The following SRD5A2 variants were observed in gnomAD, a reference collection of about 807,000 sequenced individuals.
The protein encoded by SRD5A2 is 3-oxo-5-alpha-steroid 4-dehydrogenase 2.
In SRD5A2, 30 loss-of-function variants were observed where a neutral mutation model predicts 27.4. That is an observed-to-expected ratio of 1.10 (90% confidence interval 0.82 to 1.49). SRD5A2 has a LOEUF of 1.49. Ranked by LOEUF, SRD5A2 falls within the 40% of genes most tolerant of loss-of-function variation. The probability of loss-of-function intolerance (pLI) is 0.00; values close to 1 mark genes in which losing one functional copy is unlikely to be tolerated. For missense variants in SRD5A2, 348 were observed against 323.4 expected, an observed-to-expected ratio of 1.08 and a Z score of -0.58; for synonymous variants, 141 against 133.6, an observed-to-expected ratio of 1.06 and a Z score of -0.38.
chr2:31,531,346 A>C, intron 3 of SRD5A2, 25 bp downstream of exon 3: 1 of 1,507,760 alleles, frequency 6.6e-7, no homozygotes, highest in Non-Finnish European at 9.1e-7. Flanking sequence ...GAAGAGTGAG[A>C]GTCTGGGGGC....
At chr2:31,540,441 G>A (rs899410599) in intron 1 of SRD5A2, among the ~76,000 whole-genome samples, 3 of 152,110 alleles carry the variant, frequency 2.0e-5, no homozygotes, top group African/African-American at 7.2e-5. Flanking sequence ...ACAATAGGTT[G>A]ATGACAAGAA....
chr2:31,542,845 C>A (rs937855079), intron 1 of SRD5A2, among the ~76,000 whole-genome samples: 1 of 151,940 alleles, frequency 6.6e-6, no homozygotes, highest in Admixed American at 6.6e-5. Flanking sequence ...GAGTCCCAGA[C>A]AACGCAGAGA....
chr2:31,634,730 T>C, the SRD5A2 span, among the ~76,000 whole-genome samples: 1 of 152,156 alleles, frequency 6.6e-6, no homozygotes, highest in Non-Finnish European at 1.5e-5. Flanking sequence ...GTCTACTCTC[T>C]ATCTTCATGA....
intron 3 of SRD5A2, 77 bp from the exon 4 acceptor site, chr2:31,529,534 A>C: frequency 5.8e-6 from 9 of 1,547,994 alleles, no homozygotes; most frequent in Non-Finnish European, 7.0e-6. Flanking sequence ...GTTGTTCCAA[A>C]ATACACAAAG....
chr2:31,648,894 T>C, the SRD5A2 span, among the ~76,000 whole-genome samples: 1 of 152,218 alleles, frequency 6.6e-6, no homozygotes, highest in African/African-American at 2.4e-5. Flanking sequence ...TAGACGGTTC[T>C]ACGTGCTTCA....
the SRD5A2 span, among the ~76,000 whole-genome samples, chr2:31,647,341 C>G: frequency 2.0e-5 from 3 of 152,100 alleles, no homozygotes; most frequent in Admixed American, 2.0e-4. Context: ...AGGTGATGCC[C>G]ACACTGATAG....
the SRD5A2 span, among the ~76,000 whole-genome samples, chr2:31,636,250 A>T: frequency 1.3e-5 from 2 of 151,728 alleles, no homozygotes; most frequent in African/African-American, 4.8e-5. Context: ...TAGATCTTTC[A>T]CTTATTTGGC....
upstream of SRD5A2, among the ~76,000 whole-genome samples, chr2:31,583,065 C>T (rs573762480): frequency 6.6e-6 from 1 of 152,212 alleles, no homozygotes; most frequent in African/African-American, 2.4e-5. Flanking sequence ...TCAGCTTATG[C>T]ATCTGTGGGT....
chr2:31,620,242 C>A, the SRD5A2 span, among the ~76,000 whole-genome samples: 2 of 151,992 alleles, frequency 1.3e-5, no homozygotes, highest in Non-Finnish European at 2.9e-5. Context: ...CTGAAATGAG[C>A]AAAAGCTGGA....
At chr2:31,580,502 C>A in intron 1 of SRD5A2, 118 bp downstream of exon 1, 1 of 1,295,636 alleles carries the variant, frequency 7.7e-7, no homozygotes, top group South Asian at 1.6e-5. Flanking sequence ...CTCCGCGTTC[C>A]TCACAGCGCC....
chr2:31,591,872 G>A, the SRD5A2 span, among the ~76,000 whole-genome samples: 1 of 137,278 alleles, frequency 7.3e-6, no homozygotes, highest in Admixed American at 7.6e-5. Context: ...TCACTCATAG[G>A]TGGGAATTGA....
chr2:31,590,142 C>A, the SRD5A2 span, among the ~76,000 whole-genome samples: 1 of 151,504 alleles, frequency 6.6e-6, no homozygotes, highest in Non-Finnish European at 1.5e-5. Flanking sequence ...CCTGCCCAAT[C>A]CTGCGCCCCC....
At chr2:31,558,194 G>C (rs1666540151) in intron 1 of SRD5A2, among the ~76,000 whole-genome samples, 1 of 152,144 alleles carries the variant, frequency 6.6e-6, no homozygotes, top group South Asian at 2.1e-4. Context: ...TGCCAAGAGA[G>C]GGCCAAGTAA....
chr2:31,551,401 T>C (rs1666378959), intron 1 of SRD5A2, among the ~76,000 whole-genome samples: 1 of 152,176 alleles, frequency 6.6e-6, no homozygotes, highest in Admixed American at 6.5e-5. Flanking sequence ...AACCATTGTT[T>C]TCAATATATC....
At chr2:31,552,264 A>G (rs1008567154) in intron 1 of SRD5A2, among the ~76,000 whole-genome samples, 1 of 150,480 alleles carries the variant, frequency 6.6e-6, no homozygotes. Flanking sequence ...AAATAAGAAG[A>G]GCAATTACAC....
chr2:31,613,815 C>T, the SRD5A2 span, among the ~76,000 whole-genome samples: 1 of 152,146 alleles, frequency 6.6e-6, no homozygotes, highest in African/African-American at 2.4e-5. Context: ...GGAAGCAAGA[C>T]ATGTCTTGCA....
the SRD5A2 span, among the ~76,000 whole-genome samples, chr2:31,626,435 C>T: frequency 3.9e-4 from 59 of 152,072 alleles, no homozygotes; most frequent in Non-Finnish European, 7.1e-4. Context: ...TGTCTTGTGC[C>T]GGTTTTCAAA....
At position 31,524,904 on chromosome 2, in the gene SRD5A2, A is replaced by T. The variant is rs1040362829; in HGVS notation, c.*1292T>A. Reference sequence around the variant, plus strand: ...CCTTCACAAGAGTTTGCAAACTCAAATGCTTACTAGCTACGTAGTTCCAGT... The same window carrying T: ...CCTTCACAAGAGTTTGCAAACTCAATTGCTTACTAGCTACGTAGTTCCAGT... On this transcript the variant is annotated 3_prime_UTR_variant, in exon 5 of 5. Coordinates refer to ENST00000622030, the MANE Select transcript of SRD5A2 (RefSeq NM_000348.4). The T allele has an allele frequency of 1.3e-5, 3 of 226,112 alleles. No individual in the cohort carries two copies. Among genetic ancestry groups the T allele is most frequent in the Non-Finnish European group, 1.8e-5 (2 of 113,606 alleles). The allele number at this position is 226,112 out of a possible 1,614,324, so 14.0% of individuals were successfully genotyped here.
intron 1 of SRD5A2, among the ~76,000 whole-genome samples, chr2:31,573,140 A>G (rs1462033000): frequency 6.6e-6 from 1 of 152,142 alleles, no homozygotes; most frequent in Non-Finnish European, 1.5e-5. Flanking sequence ...CAAGTCTCCC[A>G]TCTTCACTCC....
Sources: allele counts gnomAD v4.1 joint callset (sites outside exome capture counted in the v4.1 genomes callset), GRCh38; gene constraint gnomAD v4.1.1; transcripts MANE v1.5; gene names NCBI Gene and HGNC (gene_info 2026-07-23, HGNC 2026-07-21).